The following TTLL6 variants were observed in gnomAD, a reference collection of about 807,000 sequenced individuals.
TTLL6 encodes tubulin tyrosine ligase like 6, also known as tubulin polyglutamylase TTLL6.
In TTLL6, 75 loss-of-function variants were observed where a neutral mutation model predicts 96.4. The ratio of observed to expected loss-of-function variants is 0.78; its 90% CI spans 0.65 to 0.94. The LOEUF is 0.94. Ranked by LOEUF, TTLL6 falls within the 40% of genes least tolerant of loss-of-function variation. The pLI, the probability that TTLL6 is intolerant of heterozygous loss-of-function variation, is 0.00. For synonymous variants in TTLL6, 411 were observed against 419.4 expected (o/e 0.98, Z 0.24); for missense variants, 1,030 against 1,093.0 (o/e 0.94, Z 0.81).
At chr17:48,807,037 A>T (rs1486289854) in intron 1 of TTLL6, among the ~76,000 whole-genome samples, 2 of 152,100 alleles carry the variant, frequency 1.3e-5, no homozygotes, top group East Asian at 1.9e-4. Context: ...TCTCAAAAAA[A>T]AAATTAATTA....
intron 1 of TTLL6, among the ~76,000 whole-genome samples, chr17:48,807,999 C>G (rs1420000485): frequency 6.6e-6 from 1 of 152,072 alleles, no homozygotes; most frequent in Non-Finnish European, 1.5e-5. Flanking sequence ...CCACCACGCC[C>G]GGCTAATTTT....
chr17:48,787,721 A>G (rs186877051), intron 11 of TTLL6, 90 bp downstream of exon 11: 27 of 1,308,160 alleles, frequency 2.1e-5, no homozygotes, highest in Non-Finnish European at 5.3e-6. Context: ...ATGGCTGGGG[A>G]CTCTCCCTGC....
Position 48,791,696 on chromosome 17 carries a change from C to T in TTLL6, c.999-93G>A. On this transcript the variant is annotated intron_variant, in intron 8 of 15. Transcript: ENST00000393382. ...GGAAACCAGAAACTCCTGGCGGAGA[C>T]AAGGCTCCAGAGCCAGCGAGGATGA... 3.6e-6 allele frequency: 4 copies of T among 1,121,554 alleles called. 1 individual carries two copies. The highest frequency in any genetic ancestry group is 5.5e-4 in the Middle Eastern group (2 of 3,664). The allele number at this position is 1,121,554 out of a possible 1,614,324, so 69.5% of individuals were successfully genotyped here.
chr17:48,798,536 C>T (rs767945054), intron 6 of TTLL6, among the ~76,000 whole-genome samples: 1 of 152,092 alleles, frequency 6.6e-6, no homozygotes, highest in Non-Finnish European at 1.5e-5. Context: ...CACTGCACTC[C>T]AGCCTGAGCA....
At chr17:48,791,924 T>A (rs555562763) in intron 8 of TTLL6, among the ~76,000 whole-genome samples, 1 of 152,308 alleles carries the variant, frequency 6.6e-6, no homozygotes, top group African/African-American at 2.4e-5. Context: ...GAAAACCCCC[T>A]GACACCATGG....
chr17:48,770,541 G>A (rs1279884167), intron 13 of TTLL6, among the ~76,000 whole-genome samples: 1 of 102,244 alleles, frequency 9.8e-6, no homozygotes, highest in African/African-American at 3.5e-5. Context: ...ATTTGAGACA[G>A]GGTCTCACCC....
At chr17:48,794,512 G>T (rs559148204) in intron 8 of TTLL6, among the ~76,000 whole-genome samples, 1 of 152,096 alleles carries the variant, frequency 6.6e-6, no homozygotes, top group Non-Finnish European at 1.5e-5. Flanking sequence ...TGTCGGAGCC[G>T]GGACTACAAA....
chr17:48,791,417 G>A lies in TTLL6; in HGVS notation c.1185C>T (p.Asp395=), dbSNP rs1410635501. Residue 395 remains aspartate (D), a synonymous_variant, in exon 9 of 16, where the codon GAC becomes GAT. Transcript: ENST00000393382. Reference sequence around the variant, plus strand: ...GTTTGAGTTTGTGGTCCAACAAAATGTCAAAGCCCAGGATCTCAAAGCAGG... The same window carrying A: ...GTTTGAGTTTGTGGTCCAACAAAATATCAAAGCCCAGGATCTCAAAGCAGG... ...NSACFEILGF[D]ILLDHKLKPW... 6.2e-7 allele frequency: 1 copy of A among 1,614,198 alleles called. No homozygotes were observed. Among genetic ancestry groups the A allele is most frequent in the East Asian group, 2.2e-5 (1 of 44,892 alleles).
At chr17:48,763,670 A>G (rs1224120339) in intron 15 of TTLL6, among the ~76,000 whole-genome samples, 1 of 152,084 alleles carries the variant, frequency 6.6e-6, no homozygotes, top group Non-Finnish European at 1.5e-5. Flanking sequence ...GAACAGTGGC[A>G]CACCTGCAGT....
intron 13 of TTLL6, among the ~76,000 whole-genome samples, chr17:48,776,623 T>C (rs1325804112): frequency 6.6e-6 from 1 of 152,210 alleles, no homozygotes; most frequent in East Asian, 1.9e-4. Context: ...GCAAAATGTC[T>C]ACATTGAAAA....
intron 1 of TTLL6, among the ~76,000 whole-genome samples, chr17:48,808,860 C>A (rs1203054113): frequency 3.9e-5 from 6 of 152,180 alleles, no homozygotes; most frequent in African/African-American, 7.2e-5. Flanking sequence ...CGTAAGCCAC[C>A]ACGCCTGGCC....
At chr17:48,798,067 C>T (rs779011719) in intron 6 of TTLL6, among the ~76,000 whole-genome samples, 15 of 151,878 alleles carry the variant, frequency 9.9e-5, no homozygotes, top group Non-Finnish European at 8.8e-5. Context: ...CTGATCACAC[C>T]GCTGCACTCC....
intron 8 of TTLL6, among the ~76,000 whole-genome samples, chr17:48,795,311 C>T (rs1885288653): frequency 7.1e-6 from 1 of 141,068 alleles, no homozygotes; most frequent in South Asian, 2.2e-4. Flanking sequence ...GGCGACAGAG[C>T]AAGACTCAGT....
At chr17:48,782,710 T>C (rs2039012839) in intron 13 of TTLL6, among the ~76,000 whole-genome samples, 1 of 152,132 alleles carries the variant, frequency 6.6e-6, no homozygotes, top group South Asian at 2.1e-4. Flanking sequence ...TGGTACTTTT[T>C]TTTTCTTTTT....
intron 1 of TTLL6, among the ~76,000 whole-genome samples, chr17:48,811,974 T>G (rs1029250004): frequency 3.3e-5 from 5 of 151,942 alleles, no homozygotes; most frequent in African/African-American, 1.2e-4. Flanking sequence ...GTGTTGGGAT[T>G]ACAGGCGTGA....
At chr17:48,808,936 T>A (rs976672515) in intron 1 of TTLL6, among the ~76,000 whole-genome samples, 3 of 152,180 alleles carry the variant, frequency 2.0e-5, no homozygotes, top group African/African-American at 7.2e-5. Flanking sequence ...ACTGCACCCT[T>A]CCACCTTTCT....
intron 13 of TTLL6, among the ~76,000 whole-genome samples, chr17:48,774,524 GT>G (rs2038833963): frequency 6.6e-6 from 1 of 151,450 alleles, no homozygotes; most frequent in Non-Finnish European, 1.5e-5. Flanking sequence ...CATTTATAAA[GT>G]AAAAAAGAGA....
chr17:48,798,955 G>C (rs542150118), intron 6 of TTLL6, among the ~76,000 whole-genome samples: 2 of 151,518 alleles, frequency 1.3e-5, no homozygotes, highest in East Asian at 4.0e-4. Flanking sequence ...TCAGCCTCTA[G>C]AGTAGCTGGG....
chr17:48,803,433 T>C (rs755056180), intron 3 of TTLL6, among the ~76,000 whole-genome samples: 7 of 150,972 alleles, frequency 4.6e-5, no homozygotes, highest in Non-Finnish European at 1.0e-4. Context: ...GAGGTAGAGG[T>C]TGCAATGAGC....
Sources: allele counts gnomAD v4.1 joint callset (sites outside exome capture counted in the v4.1 genomes callset), GRCh38; gene constraint gnomAD v4.1.1; transcripts MANE v1.5; gene names NCBI Gene and HGNC (gene_info 2026-07-23, HGNC 2026-07-21).